ZSCAN31: variants seen among roughly 807,000 people sequenced by gnomAD.
ZSCAN31 encodes zinc finger and SCAN domain containing 31, also known as zinc finger and SCAN domain-containing protein 31.
ZSCAN31 carries 14 observed loss-of-function variants against 22.5 expected under a neutral mutation model. The observed-to-expected ratio is 0.62, with a 90% confidence interval of 0.41 to 0.97. ZSCAN31 has a LOEUF of 0.97. Among genes scored for constraint, ZSCAN31 ranks in the 50% least tolerant of loss-of-function variants. ZSCAN31 has a pLI of 0.00. For missense variants in ZSCAN31, 424 were observed against 483.4 expected (o/e 0.88, Z 1.15); for synonymous variants, 168 against 169.8 (o/e 0.99, Z 0.08).
intron 2 of ZSCAN31, among the ~76,000 whole-genome samples, chr6:28,344,571 C>G (rs1474650413): frequency 9.2e-5 from 14 of 152,062 alleles, no homozygotes; most frequent in African/African-American, 3.4e-4. Flanking sequence ...GACTAATTGA[C>G]AAAGGAGGAA....
rs1389609525 is a variant in ZSCAN31 at position 28,331,736 on chromosome 6, T to A, written c.-95-1958A>T. 6.6e-6 allele frequency among the ~76,000 whole-genome samples: 1 copy of A among 152,246 alleles called. No homozygotes were observed. Among genetic ancestry groups the A allele is most frequent in the Non-Finnish European group, 1.5e-5 (1 of 68,042 alleles). On this transcript the variant is annotated intron_variant, in intron 1 of 3. Transcript: ENST00000344279. This position sits in a 1 kb window ranked among gnomAD's most constrained non-coding sequence, Gnocchi z 4.8. ...TTAAACATGTAGCTTCTCATGGCCT[T>A]AGGTTTATAGGCAAAAATTGTTCTG... is the stretch of plus-strand genomic sequence containing the variant.
upstream of ZSCAN31, among the ~76,000 whole-genome samples, chr6:28,339,209 C>T (rs1403226041): frequency 2.0e-5 from 3 of 151,964 alleles, no homozygotes; most frequent in African/African-American, 7.3e-5. Flanking sequence ...GACATTGTTT[C>T]TTTTGTTATA....
chr6:28,346,187 C>T (rs1253089716), intron 2 of ZSCAN31, among the ~76,000 whole-genome samples: 1 of 151,932 alleles, frequency 6.6e-6, no homozygotes, highest in Non-Finnish European at 1.5e-5. Context: ...CATCAGCACA[C>T]AAGAAGAGGA....
intron 2 of ZSCAN31, among the ~76,000 whole-genome samples, chr6:28,327,823 G>A (rs1217278037): frequency 6.6e-6 from 1 of 152,092 alleles, no homozygotes; most frequent in Non-Finnish European, 1.5e-5. Flanking sequence ...TGAGGCAGAC[G>A]AGATGGTATA....
At chr6:28,353,154 A>C (rs1180269995) in intron 2 of ZSCAN31, among the ~76,000 whole-genome samples, 1 of 151,786 alleles carries the variant, frequency 6.6e-6, no homozygotes, top group African/African-American at 2.4e-5. Context: ...TTTTTAGTAG[A>C]GACGGGGTTT....
Position 28,329,359 on chromosome 6 carries a change from C to T in ZSCAN31, c.325G>A (p.Glu109Lys), listed in dbSNP as rs1372885395. Residue 109 changes from glutamate to lysine, a missense_variant, in exon 2 of 4, where the codon GAG becomes AAG. Transcript: ENST00000344279. ...VREHHPESGE[E>K]AVAVVEDLEQ... ...AGATCTTCAACTACAGCCACAGCCTCCTCCCCACTCTCCGGATGGTGCTCC... is the reference window on the plus strand; with the variant it reads ...AGATCTTCAACTACAGCCACAGCCTTCTCCCCACTCTCCGGATGGTGCTCC... 3 of 1,612,676 alleles carry T rather than the reference C, an allele frequency of 1.9e-6. No homozygotes were observed. The highest frequency in any genetic ancestry group is 2.2e-5 in the East Asian group (1 of 44,892).
At chr6:28,328,918 C>T (rs1026221287) in intron 2 of ZSCAN31, among the ~76,000 whole-genome samples, 3 of 152,172 alleles carry the variant, frequency 2.0e-5, no homozygotes, top group African/African-American at 7.2e-5. Context: ...CCCTGACTTC[C>T]CGCAACAAAA....
At chr6:28,346,342 CTTTTTTT>C (rs5875155) in intron 2 of ZSCAN31, among the ~76,000 whole-genome samples, 9 of 87,770 alleles carry the variant, frequency 1.0e-4, no homozygotes, top group South Asian at 5.1e-4. Flanking sequence ...TCAGTACAAT[CTTTTTTT>C]TTTTTTTTTT....
In ZSCAN31 at chr6:28,325,392, T is replaced by C. The variant is rs1032132744; in HGVS notation, c.*774A>G. ...GGAAAACTTACAGTAATGACCTGCATTGAGAATTTGATATGAATCATCAAC... is the reference window on the plus strand; with the variant it reads ...GGAAAACTTACAGTAATGACCTGCACTGAGAATTTGATATGAATCATCAAC... On this transcript the variant is annotated 3_prime_UTR_variant, in exon 4 of 4. Transcript: ENST00000344279. 2.6e-5 allele frequency: 4 copies of C among 152,220 alleles called. No homozygotes were observed. Among genetic ancestry groups the C allele is most frequent in the Non-Finnish European group, 4.4e-5 (3 of 68,042 alleles). 9.4% of individuals were successfully genotyped at this position (152,220 alleles called of 1,614,324 possible).
chr6:28,341,305 C>T (rs1764403454), intron 3 of ZSCAN31, among the ~76,000 whole-genome samples: 1 of 152,196 alleles, frequency 6.6e-6, no homozygotes, highest in East Asian at 1.9e-4. Flanking sequence ...ATTCGTTGCT[C>T]ACAGTCCTGA....
chr6:28,346,414 A>G (rs1764645157), intron 2 of ZSCAN31, among the ~76,000 whole-genome samples: 1 of 135,492 alleles, frequency 7.4e-6, no homozygotes, highest in African/African-American at 2.9e-5. Context: ...GCAGTGTGCA[A>G]TGGCGTGATC....
chr6:28,331,647 T>C lies in ZSCAN31; in HGVS notation c.-95-1869A>G, dbSNP rs1197682642. On this transcript the variant is annotated intron_variant, in intron 1 of 3. Coordinates refer to ENST00000344279, the MANE Select transcript of ZSCAN31 (RefSeq NM_030899.5). This position sits in a 1 kb window ranked among gnomAD's most constrained non-coding sequence, Gnocchi z 4.8. ...TCTGGTAATTTGGTTTGTTGAGTCT[T>C]CAGTGCAGAAGACTGAAAGTCTGAA... Among the ~76,000 whole-genome samples the C allele has an allele frequency of 6.6e-6, 1 of 152,236 alleles. No homozygotes were observed. Among genetic ancestry groups the C allele is most frequent in the African/African-American group, 2.4e-5 (1 of 41,466 alleles).
At chr6:28,334,696 T>C (rs1223013495) in intron 1 of ZSCAN31, among the ~76,000 whole-genome samples, 3 of 152,100 alleles carry the variant, frequency 2.0e-5, no homozygotes, top group South Asian at 4.1e-4. Context: ...AAGAGTAAAA[T>C]TGCCCTAGGT....
chr6:28,350,094 G>T, intron 2 of ZSCAN31: 1 of 152,284 alleles, frequency 6.6e-6, no homozygotes, highest in East Asian at 1.9e-4. Flanking sequence ...ATGTGTGTGT[G>T]TGTGTGTGTG....
Position 28,331,278 on chromosome 6 carries a change from A to C in ZSCAN31, c.-95-1500T>G, listed in dbSNP as rs1763719112. The stretch of plus-strand genomic sequence containing the variant: ...GAAGTTTAATGGTAGTTAAACTGAT[A>C]CAATGTTGACTTTAGTGGTGTAATT... On this transcript the variant is annotated intron_variant, in intron 1 of 3. Transcript: ENST00000344279. This position sits in a 1 kb window ranked among gnomAD's most constrained non-coding sequence, Gnocchi z 4.8. Among the ~76,000 whole-genome samples, 2 of 152,224 alleles carry C rather than the reference A, an allele frequency of 1.3e-5. No individual in the cohort carries two copies. Among genetic ancestry groups the C allele is most frequent in the Non-Finnish European group, 2.9e-5 (2 of 68,038 alleles).
intron 2 of ZSCAN31, chr6:28,350,208 G>C (rs1359616256): frequency 6.6e-6 from 1 of 152,344 alleles, no homozygotes; most frequent in Non-Finnish European, 1.5e-5. Flanking sequence ...AGGGCGCTCT[G>C]CGGCGGAATG....
Position 28,326,581 on chromosome 6 carries a change from C to A in ZSCAN31, c.806G>T (p.Cys269Phe), listed in dbSNP as rs1763288729. The A allele has an allele frequency of 1.2e-6, 2 of 1,614,208 alleles. No individual in the cohort carries two copies. The highest frequency in any genetic ancestry group is 1.7e-6 in the Non-Finnish European group (2 of 1,180,044). ...RIHTGEKPYE[C>F]EECGKAFSRR... ...GCTGAAGGCCTTCCCACATTCTTCA[C>A]ATTCATATGGCTTCTCCCCAGTGTG... Residue 269 changes from cysteine to phenylalanine, a missense_variant, in exon 4 of 4, where the codon TGT (cysteine) becomes TTT (phenylalanine). Coordinates refer to ENST00000344279, the MANE Select transcript of ZSCAN31 (RefSeq NM_030899.5).
At chr6:28,328,055 A>G (rs1342862305) in intron 2 of ZSCAN31, among the ~76,000 whole-genome samples, 9 of 152,226 alleles carry the variant, frequency 5.9e-5, no homozygotes, top group Admixed American at 2.6e-4. Context: ...GATTTTCAAA[A>G]GGGGAGGAAG....
chr6:28,345,979 T>C (rs540090402), intron 2 of ZSCAN31, among the ~76,000 whole-genome samples: 1 of 152,252 alleles, frequency 6.6e-6, no homozygotes, highest in East Asian at 1.9e-4. Context: ...GGAGTAGAGG[T>C]AGAAGTAGCT....
Sources: gnomAD v4.1 joint callset for allele counts (sites outside exome capture counted in the v4.1 genomes callset) on GRCh38, gnomAD v4.1.1 for gene constraint, Gnocchi (gnomAD v3.1) non-coding constraint, MANE v1.5 for transcripts, NCBI Gene and HGNC (gene_info 2026-07-23, HGNC 2026-07-21) for gene names.